The following EIF4E2 variants were observed in gnomAD, a reference collection of about 807,000 sequenced individuals.
EIF4E2 encodes eukaryotic translation initiation factor 4E type 2.
EIF4E2 carries 13 observed loss-of-function variants against 34.2 expected under a neutral mutation model. The observed-to-expected ratio is 0.38, with a 90% CI of 0.25 to 0.60. EIF4E2 has a LOEUF of 0.60. EIF4E2 is among the 20% of genes least tolerant of loss of function. The pLI, the probability that EIF4E2 is intolerant of heterozygous loss-of-function variation, is 0.62. For missense variants in EIF4E2, 222 were observed against 315.1 expected, an observed-to-expected ratio of 0.70 and a Z score of 2.24; for synonymous variants, 100 against 106.6, an observed-to-expected ratio of 0.94 and a Z score of 0.38.
chr2:232,568,165 T>C (rs1693000942), intron 6 of EIF4E2: 1 of 985,272 alleles, frequency 1.0e-6, no homozygotes, highest in Non-Finnish European at 1.2e-6. Context: ...TCATCATCAT[T>C]AGTAAGAATA....
intron 1 of EIF4E2, among the ~76,000 whole-genome samples, chr2:232,554,508 A>T (rs1420947727): frequency 6.6e-6 from 1 of 152,136 alleles, no homozygotes; most frequent in Non-Finnish European, 1.5e-5. Flanking sequence ...CACACCATAG[A>T]TGCTTGGTAG....
downstream of EIF4E2, among the ~76,000 whole-genome samples, chr2:232,571,398 G>T (rs1048492678): frequency 2.0e-5 from 3 of 152,212 alleles, no homozygotes; most frequent in African/African-American, 7.2e-5. Flanking sequence ...CATATTCTCT[G>T]CTTTGAGGAG....
chr2:232,573,546 A>G (rs1256645558), downstream of EIF4E2, among the ~76,000 whole-genome samples: 8 of 152,172 alleles, frequency 5.3e-5, no homozygotes, highest in Admixed American at 3.3e-4. Flanking sequence ...TGTAAGCGAA[A>G]GGCCACGTAC....
intron 1 of EIF4E2, chr2:232,551,255 G>A (rs1183271603): frequency 6.3e-6 from 3 of 473,232 alleles, no homozygotes; most frequent in African/African-American, 6.0e-5. Flanking sequence ...GTGGAAGGCT[G>A]GCTTAGGAAT....
intron 1 of EIF4E2, among the ~76,000 whole-genome samples, chr2:232,554,524 G>T (rs1482856306): frequency 1.3e-5 from 2 of 152,052 alleles, no homozygotes; most frequent in African/African-American, 4.8e-5. Flanking sequence ...GGTAGATGTT[G>T]GTAATTTTTA....
At chr2:232,567,032 C>T (rs773530224) in intron 5 of EIF4E2, 46 bp from the exon 6 acceptor site, 10 of 1,599,938 alleles carry the variant, frequency 6.3e-6, no homozygotes, top group East Asian at 4.5e-5. Flanking sequence ...TTGCTCTCCT[C>T]GCTGCCCCTG....
rs1448657422 is a variant in EIF4E2, at chr2:232,581,011, C to T, written c.*68C>T. On this transcript the variant is annotated 3_prime_UTR_variant, in exon 7 of 7. Coordinates refer to the EIF4E2 transcript ENST00000409098. This position sits in a 1 kb window ranked among gnomAD's most constrained non-coding sequence, Gnocchi z 5.2. Reference sequence around the variant, plus strand: ...TTGTCCGAAATGGATGGGAGGCCTCCAGCCAGTCCTTCCATTGCTCACTGA... The same window carrying T: ...TTGTCCGAAATGGATGGGAGGCCTCTAGCCAGTCCTTCCATTGCTCACTGA... The T allele has an allele frequency of 6.2e-6, 9 of 1,458,668 alleles. No homozygotes were observed. The highest frequency in any genetic ancestry group is 8.5e-6 in the Non-Finnish European group (9 of 1,063,204). 90.4% of individuals were successfully genotyped at this position (1,458,668 alleles called of 1,614,324 possible).
At chr2:232,572,036 G>A (rs922579731), downstream of EIF4E2, among the ~76,000 whole-genome samples, 1 of 152,174 alleles carries the variant, frequency 6.6e-6, no homozygotes, top group African/African-American at 2.4e-5. Context: ...AGAGCTCTTT[G>A]TTCCTCTGTC....
Position 232,564,308 on chromosome 2 carries a change from G to A in EIF4E2, c.332G>A (p.Ser111Asn). The A allele has an allele frequency of 6.3e-7, 1 of 1,595,500 alleles. No homozygotes were observed. Among genetic ancestry groups the A allele is most frequent in the Non-Finnish European group, 8.6e-7 (1 of 1,169,460 alleles). The part of the protein sequence containing the change: ...MVRPGDLTGH[S>N]DFHLFKEGIK... ...CGTCCTGGGGACCTGACAGGCCACA[G>A]TGACTTCCATCTCTTCAAAGAAGGA... The change falls in exon 4 of 7, where the codon AGT (serine) becomes AAT (asparagine). Residue 111 changes from serine to asparagine, a missense_variant. Ser to Asn is a conservative substitution (Grantham distance 46). This residue lies in a region of EIF4E2 where 105 missense variants were observed against 195.1 expected (regional missense o/e 0.54). Transcript: ENST00000258416.
intron 6 of EIF4E2, among the ~76,000 whole-genome samples, chr2:232,576,072 C>A (rs1693210215): frequency 6.6e-6 from 1 of 152,038 alleles, no homozygotes; most frequent in African/African-American, 2.4e-5. Context: ...GGCGTGGTGG[C>A]ACACACCTGT....
exon 7 of EIF4E2, chr2:232,580,976 A>G: frequency 6.5e-7 from 1 of 1,546,956 alleles, no homozygotes; most frequent in African/African-American, 1.4e-5. Context: ...CCTTTTCTGT[A>G]TGTGTGTGTT....
intron 1 of EIF4E2, among the ~76,000 whole-genome samples, chr2:232,553,510 G>T (rs1165663142): frequency 6.6e-6 from 1 of 152,196 alleles, no homozygotes; most frequent in Non-Finnish European, 1.5e-5. Context: ...AGTTCAGAGG[G>T]TGAGGAAATA....
chr2:232,571,962 G>C (rs1321565274), downstream of EIF4E2, among the ~76,000 whole-genome samples: 1 of 152,216 alleles, frequency 6.6e-6, no homozygotes, highest in Non-Finnish European at 1.5e-5. Flanking sequence ...AGAGGTAGGG[G>C]GAAGTGTAGA....
chr2:232,562,576 G>A (rs574017281), intron 3 of EIF4E2, among the ~76,000 whole-genome samples: 24 of 152,290 alleles, frequency 1.6e-4, no homozygotes, highest in African/African-American at 5.5e-4. Flanking sequence ...GACAAAAAGA[G>A]CGAAACTCCA....
downstream of EIF4E2, chr2:232,573,848 G>T: frequency 2.8e-6 from 1 of 357,084 alleles, no homozygotes; most frequent in South Asian, 2.2e-5. Flanking sequence ...CCTCAGTGAG[G>T]CCTGATGAAG....
At chr2:232,552,815 C>T (rs1353141670) in intron 1 of EIF4E2, among the ~76,000 whole-genome samples, 1 of 151,474 alleles carries the variant, frequency 6.6e-6, no homozygotes, top group Non-Finnish European at 1.5e-5. Flanking sequence ...AAAAGAAAAA[C>T]AAGCTTTCTT....
intron 6 of EIF4E2, among the ~76,000 whole-genome samples, chr2:232,576,503 C>CT (rs11348496): frequency 1.3e-5 from 2 of 151,978 alleles, no homozygotes; most frequent in Admixed American, 1.3e-4. Context: ...GCCCCCGTGT[C>CT]TTTTTTTATA....
intron 5 of EIF4E2, 37 bp from the exon 6 acceptor site, chr2:232,567,040 CT>C: frequency 1.2e-6 from 2 of 1,604,326 alleles, no homozygotes; most frequent in Non-Finnish European, 1.7e-6. Flanking sequence ...CTCGCTGCCC[CT>C]GATTTGCTTT....
chr2:232,570,348 C>T (rs1209061402), downstream of EIF4E2, among the ~76,000 whole-genome samples: 1 of 152,142 alleles, frequency 6.6e-6, no homozygotes, highest in African/African-American at 2.4e-5. Context: ...TGGAAAGGCC[C>T]ATTCTCTACG....
Sources: gnomAD v4.1 joint callset for allele counts (sites outside exome capture counted in the v4.1 genomes callset) on GRCh38, gnomAD v4.1.1 for gene constraint, gnomAD v4.1.1 regional missense constraint, Gnocchi (gnomAD v3.1) non-coding constraint, MANE v1.5 for transcripts, NCBI Gene and HGNC (gene_info 2026-07-23, HGNC 2026-07-21) for gene names.